The following GK5 variants were observed in gnomAD, a reference collection of about 807,000 sequenced individuals.
GK5 encodes the protein glycerol kinase 5.
Under a neutral mutation model 77.3 loss-of-function variants are expected in GK5, and 39 were observed. The observed-to-expected ratio is 0.50, with a 90% CI of 0.39 to 0.66. GK5 has a LOEUF of 0.66. Among genes scored for constraint, GK5 ranks in the 30% least tolerant of loss-of-function variants. The pLI, the probability that GK5 is intolerant of heterozygous loss-of-function variation, is 0.00. For synonymous variants in GK5, 211 were observed against 208.0 expected (o/e 1.01, Z -0.13); for missense variants, 487 against 633.8 (o/e 0.77, Z 2.49).
At chr3:142,207,674 T>C (rs1472312474) in intron 3 of GK5, among the ~76,000 whole-genome samples, 2 of 152,180 alleles carry the variant, frequency 1.3e-5, no homozygotes, top group African/African-American at 4.8e-5. Flanking sequence ...TAATAATAAA[T>C]GCTGGTATAT....
At chr3:142,182,872 T>G in intron 10 of GK5, 51 bp downstream of exon 10, 1 of 1,323,228 alleles carries the variant, frequency 7.6e-7, no homozygotes, top group Non-Finnish European at 1.1e-6. Context: ...AAGTTAAATA[T>G]GAACAGAAGT....
chr3:142,212,155 T>C (rs2064195952), intron 3 of GK5, among the ~76,000 whole-genome samples: 1 of 152,140 alleles, frequency 6.6e-6, no homozygotes, highest in Non-Finnish European at 1.5e-5. Context: ...AAGCTCAAGA[T>C]GTCCTTTGGA....
intron 12 of GK5, 82 bp from the exon 13 acceptor site, chr3:142,172,538 C>A: frequency 1.6e-6 from 1 of 616,948 alleles, no homozygotes; most frequent in Non-Finnish European, 2.8e-6. Flanking sequence ...ACAACAACAA[C>A]ATAGCCACGT....
intron 5 of GK5, 87 bp from the exon 6 acceptor site, chr3:142,187,866 C>T (rs766141558): frequency 1.1e-6 from 1 of 890,198 alleles, no homozygotes; most frequent in Non-Finnish European, 1.8e-6. Context: ...ACAATATAAA[C>T]CCATTTTTAT....
At position 142,165,500 on chromosome 3, in the gene GK5, G is replaced by C; in HGVS notation, c.*122C>G. 6.0e-6 allele frequency: 4 copies of C among 668,390 alleles called. No homozygotes were observed. In the East Asian group the frequency reaches 1.2e-4, roughly 20 times the overall value. The allele number at this position is 668,390 out of a possible 1,614,324, so 41.4% of individuals were successfully genotyped here. A position where few individuals can be genotyped will look rare whatever the true frequency, so the allele number is the denominator to read the frequency against. On this transcript the variant is annotated 3_prime_UTR_variant, in exon 16 of 16. Coordinates refer to ENST00000392993, the MANE Select transcript of GK5 (RefSeq NM_001039547.3). ...TTTTTTTAAAAGCAATGCTTCTTAAGTTATGAAGCTTATTTAAAATTTTCT... is the reference window on the plus strand; with the variant it reads ...TTTTTTTAAAAGCAATGCTTCTTAACTTATGAAGCTTATTTAAAATTTTCT...
At chr3:142,225,219 G>C in intron 1 of GK5, 90 bp downstream of exon 1, 1 of 1,356,972 alleles carries the variant, frequency 7.4e-7, no homozygotes, top group East Asian at 3.0e-5. Context: ...AGGGCGGTAG[G>C]TGGGGCCTGC....
At chr3:142,178,282 C>T (rs2063648842) in intron 11 of GK5, among the ~76,000 whole-genome samples, 1 of 152,090 alleles carries the variant, frequency 6.6e-6, no homozygotes, top group Admixed American at 6.5e-5. Context: ...TATCATCTAC[C>T]TGTAATATAA....
chr3:142,159,851 C>CTTTTTTTTTT lies in GK5; in HGVS notation c.*5770_*5771insAAAAAAAAAA, dbSNP rs1342546449. On this transcript the variant is annotated 3_prime_UTR_variant, in exon 16 of 16. Transcript: ENST00000392993. ...GCTTTCTCTCTCTCTCTCTCTCTCT[C>CTTTTTTTTTT]TCTTTTTTTTTTTTGAGACAGAGTC... 1.3e-4 allele frequency: 11 copies of CTTTTTTTTTT among 87,002 alleles called. No individual in the cohort carries two copies. Among genetic ancestry groups the CTTTTTTTTTT allele is most frequent in the African/African-American group, 5.0e-4 (11 of 22,180 alleles). 5.4% of individuals were successfully genotyped at this position (87,002 alleles called of 1,614,324 possible).
In GK5 at chr3:142,178,299, A is replaced by G. The variant is rs995877474; in HGVS notation, c.1049-723T>C. On this transcript the variant is annotated intron_variant, in intron 11 of 15. Coordinates refer to ENST00000392993, the MANE Select transcript of GK5 (RefSeq NM_001039547.3). Reference sequence around the variant, plus strand: ...TCATCTACCTGTAATATAATACCCAAGAAAATTAACTGAAATACTCCATCT... The same window carrying G: ...TCATCTACCTGTAATATAATACCCAGGAAAATTAACTGAAATACTCCATCT... Among the ~76,000 whole-genome samples, 7 of 152,336 alleles carry G rather than the reference A, an allele frequency of 4.6e-5. No individual in the cohort carries two copies. The South Asian group carries it at 1.2e-3, about 27-fold the overall frequency.
chr3:142,174,339 A>G (rs953864195), intron 12 of GK5, among the ~76,000 whole-genome samples: 5 of 152,170 alleles, frequency 3.3e-5, no homozygotes, highest in Admixed American at 6.5e-5. Flanking sequence ...CAAATCTATT[A>G]ACACCTTCTG....
chr3:142,198,562 C>T (rs759528731), intron 5 of GK5, among the ~76,000 whole-genome samples: 13 of 152,046 alleles, frequency 8.6e-5, no homozygotes, highest in Non-Finnish European at 1.3e-4. Context: ...TGCAGTGAGC[C>T]GAGATCACGC....
At chr3:142,212,022 T>C (rs771631750) in intron 3 of GK5, among the ~76,000 whole-genome samples, 24 of 152,240 alleles carry the variant, frequency 1.6e-4, no homozygotes, top group Non-Finnish European at 2.9e-4. Context: ...GCAGTATTGG[T>C]AAATTCAAAT....
intron 12 of GK5, among the ~76,000 whole-genome samples, chr3:142,175,706 G>A (rs1290703789): frequency 6.6e-6 from 1 of 152,068 alleles, no homozygotes; most frequent in Non-Finnish European, 1.5e-5. Flanking sequence ...TCTACTGCCA[G>A]TATATGGGCA....
At chr3:142,196,955 A>G (rs1348960669) in intron 5 of GK5, among the ~76,000 whole-genome samples, 1 of 152,168 alleles carries the variant, frequency 6.6e-6, no homozygotes, top group Non-Finnish European at 1.5e-5. Context: ...TGGGAGGCCG[A>G]GGCAGGTGGA....
chr3:142,170,935 G>A (rs2063528058), intron 14 of GK5, among the ~76,000 whole-genome samples: 1 of 152,002 alleles, frequency 6.6e-6, no homozygotes, highest in South Asian at 2.1e-4. Flanking sequence ...CTATGACCAA[G>A]AATTTTGTTG....
At chr3:142,172,231 C>A (rs921873267) in intron 13 of GK5, 122 bp downstream of exon 13, 3 of 527,558 alleles carry the variant, frequency 5.7e-6, no homozygotes, top group East Asian at 2.9e-5. Context: ...TATATAGTAT[C>A]AAATAAGCCA....
chr3:142,178,645 C>A (rs1276878501), intron 11 of GK5, among the ~76,000 whole-genome samples: 1 of 152,202 alleles, frequency 6.6e-6, no homozygotes, highest in East Asian at 1.9e-4. Context: ...TGACTATAGA[C>A]AATTTATCAA....
chr3:142,220,712 C>T lies in GK5; in HGVS notation c.147+4597G>A, dbSNP rs1242241358. ...CAGCATCTAGAAGTGCCTATGGTTT[C>T]TTAGATATTCCATAAATATAAAGTG... On this transcript the variant is annotated intron_variant, in intron 1 of 15. Transcript: ENST00000392993. 2.0e-5 allele frequency among the ~76,000 whole-genome samples: 3 copies of T among 152,088 alleles called. No homozygotes were observed. In the East Asian group the frequency reaches 5.8e-4, roughly 29 times the overall value.
At position 142,171,480 on chromosome 3, in the gene GK5, T is replaced by C. The variant is rs1159355334; in HGVS notation, c.1248-2A>G. On this transcript the variant is annotated splice_acceptor_variant, in intron 13 of 15. Coordinates refer to ENST00000392993, the MANE Select transcript of GK5 (RefSeq NM_001039547.3). LOFTEE classifies it high-confidence loss of function. The stretch of plus-strand genomic sequence containing the variant: ...ATCATCTCATATAACTGTTTGTTTC[T>C]AGTTAAAAAACAAGATAACTATTTA... The C allele has an allele frequency of 4.2e-6, 6 of 1,429,484 alleles. No homozygotes were observed. Among genetic ancestry groups the C allele is most frequent in the Non-Finnish European group, 5.6e-6 (6 of 1,063,820 alleles). 88.6% of individuals were successfully genotyped at this position (1,429,484 alleles called of 1,614,324 possible).
Sources: gnomAD v4.1 joint callset for allele counts (sites outside exome capture counted in the v4.1 genomes callset) on GRCh38, gnomAD v4.1.1 for gene constraint, MANE v1.5 for transcripts, NCBI Gene and HGNC (gene_info 2026-07-23, HGNC 2026-07-21) for gene names.